MACROD2: variants seen among roughly 807,000 people sequenced by gnomAD.
MACROD2 encodes the protein mono-ADP ribosylhydrolase 2.
Under a neutral mutation model 70.4 loss-of-function variants are expected in MACROD2, and 36 were observed. That is an observed-to-expected ratio of 0.51 (90% CI 0.39 to 0.68). The LOEUF (loss-of-function observed/expected upper bound fraction) is 0.68. Ranked by LOEUF, MACROD2 falls within the 30% of genes least tolerant of loss-of-function variation. The probability of loss-of-function intolerance (pLI) is 0.00; values close to 1 mark genes in which losing one functional copy is unlikely to be tolerated. For synonymous variants in MACROD2, 172 were observed against 178.8 expected, an observed-to-expected ratio of 0.96 and a Z score of 0.30; for missense variants, 496 against 538.4, an observed-to-expected ratio of 0.92 and a Z score of 0.78.
At chr20:15,435,442 T>G (rs896046017) in intron 7 of MACROD2, among the ~76,000 whole-genome samples, 1 of 152,142 alleles carries the variant, frequency 6.6e-6, no homozygotes, top group African/African-American at 2.4e-5. Flanking sequence ...CATGTTTAAC[T>G]GTATTGTGAA....
chr20:15,989,214 C>A (rs1001688371), intron 15 of MACROD2, among the ~76,000 whole-genome samples: 1 of 152,096 alleles, frequency 6.6e-6, no homozygotes, highest in African/African-American at 2.4e-5. Flanking sequence ...GTGATTTCCC[C>A]AAGTCCATTT....
chr20:14,500,129 C>A (rs2084900203), intron 4 of MACROD2, among the ~76,000 whole-genome samples: 1 of 152,190 alleles, frequency 6.6e-6, no homozygotes, highest in Non-Finnish European at 1.5e-5. Flanking sequence ...CTACTCTTTG[C>A]TGTAGAGATC....
chr20:15,593,351 C>T (rs554725138), intron 8 of MACROD2, among the ~76,000 whole-genome samples: 7 of 152,136 alleles, frequency 4.6e-5, no homozygotes, highest in Non-Finnish European at 1.0e-4. Flanking sequence ...AGGAGAAGTA[C>T]TGATAACATG....
In MACROD2 at chr20:14,815,069, A is replaced by G. The variant is rs141726595; in HGVS notation, c.418+130110A>G. ...TCAATGTAGTAGTCAACTCCATTGC[A>G]GAACACTGGGGCCTCAAGGTGAGAG... On this transcript the variant is annotated intron_variant, in intron 5 of 17. Transcript: ENST00000684519. Among the ~76,000 whole-genome samples, 530 of 152,224 alleles carry G rather than the reference A, an allele frequency of 3.5e-3. 4 individuals carry two copies. The highest frequency in any genetic ancestry group is 0.012 in the African/African-American group (492 of 41,554).
chr20:15,380,942 C>T (rs997599319), intron 6 of MACROD2, among the ~76,000 whole-genome samples: 1 of 150,404 alleles, frequency 6.6e-6, no homozygotes, highest in African/African-American at 2.4e-5. Flanking sequence ...CACTTTTTCA[C>T]TCTTTCACTT....
intron 6 of MACROD2, among the ~76,000 whole-genome samples, chr20:15,306,999 G>A (rs552630699): frequency 6.6e-6 from 1 of 152,244 alleles, no homozygotes; most frequent in African/African-American, 2.4e-5. Flanking sequence ...CATCGTGAGA[G>A]AGGGAGGAAT....
intron 5 of MACROD2, among the ~76,000 whole-genome samples, chr20:15,132,685 A>G (rs2076115343): frequency 1.3e-5 from 2 of 152,082 alleles, no homozygotes; most frequent in African/African-American, 4.8e-5. Context: ...AAAATTATAA[A>G]AGATGAAGAA....
At chr20:14,138,673 A>C (rs2054830918) in intron 3 of MACROD2, among the ~76,000 whole-genome samples, 1 of 151,976 alleles carries the variant, frequency 6.6e-6, no homozygotes, top group African/African-American at 2.4e-5. Context: ...TTAAGTTATA[A>C]ATAAATTTTG....
chr20:14,983,810 T>C (rs1347115380), intron 5 of MACROD2, among the ~76,000 whole-genome samples: 3 of 152,196 alleles, frequency 2.0e-5, no homozygotes, highest in Admixed American at 2.0e-4. Flanking sequence ...TTTAAATAAA[T>C]AAAGGTCCTC....
chr20:15,401,216 T>G (rs1399381440), intron 6 of MACROD2, among the ~76,000 whole-genome samples: 2 of 152,080 alleles, frequency 1.3e-5, no homozygotes, highest in South Asian at 2.1e-4. Context: ...TTTTTTGTAT[T>G]TTTAGTGGAG....
At chr20:15,675,904 C>T (rs1336007017) in intron 8 of MACROD2, among the ~76,000 whole-genome samples, 1 of 152,094 alleles carries the variant, frequency 6.6e-6, no homozygotes, top group African/African-American at 2.4e-5. Flanking sequence ...TTCATTAACA[C>T]AACAGAGCCT....
rs193161817 is a variant in MACROD2, at chr20:14,080,646, A to G, written c.164-4975A>G. On this transcript the variant is annotated intron_variant, in intron 2 of 17. Transcript: ENST00000684519. ...AAAATTTATGCTTAAATGGAAAACTATAGTGTACCCTTGTGGGTTATTAAA... is the reference window on the plus strand; with the variant it reads ...AAAATTTATGCTTAAATGGAAAACTGTAGTGTACCCTTGTGGGTTATTAAA... 4.6e-3 allele frequency among the ~76,000 whole-genome samples: 697 copies of G among 151,568 alleles called. 2 individuals carry two copies. Among genetic ancestry groups the G allele is most frequent in the Non-Finnish European group, 7.7e-3 (521 of 67,856 alleles).
In MACROD2 at chr20:14,350,287, T is replaced by A. The variant is rs548390609; in HGVS notation, c.272-143192T>A. Among the ~76,000 whole-genome samples, 6 of 152,130 alleles carry A rather than the reference T, an allele frequency of 3.9e-5. No homozygotes were observed. The South Asian group carries it at 1.2e-3, about 32-fold the overall frequency. On this transcript the variant is annotated intron_variant, in intron 3 of 17. Coordinates refer to ENST00000684519, the MANE Select transcript of MACROD2 (RefSeq NM_001351661.2). Reference sequence around the variant, plus strand: ...GTCATATGAGAGCTCTATTTTTAGTTTTTTGAGGAACCTCAAAACTGTTCT... The same window carrying A: ...GTCATATGAGAGCTCTATTTTTAGTATTTTGAGGAACCTCAAAACTGTTCT...
At chr20:14,613,478 A>G (rs987410822) in intron 4 of MACROD2, among the ~76,000 whole-genome samples, 1 of 152,084 alleles carries the variant, frequency 6.6e-6, no homozygotes, top group Admixed American at 6.6e-5. Context: ...GGAAGGGTGG[A>G]TGAGAGCAGT....
chr20:15,167,118 A>G (rs1202827597), intron 5 of MACROD2, among the ~76,000 whole-genome samples: 1 of 152,066 alleles, frequency 6.6e-6, no homozygotes, highest in East Asian at 1.9e-4. Flanking sequence ...AAGAAAGTTC[A>G]ACAGAGTTTC....
chr20:14,763,548 C>A (rs890106236), intron 5 of MACROD2, among the ~76,000 whole-genome samples: 5 of 152,022 alleles, frequency 3.3e-5, no homozygotes, highest in African/African-American at 1.2e-4. Context: ...AAGGAGGTGG[C>A]AATATGACTG....
intron 8 of MACROD2, among the ~76,000 whole-genome samples, chr20:15,553,428 G>GT (rs2048124487): frequency 6.6e-6 from 1 of 152,144 alleles, no homozygotes; most frequent in Admixed American, 6.6e-5. Flanking sequence ...GTATTTGTTT[G>GT]TTTATTTGTT....
chr20:14,122,538 T>A (rs973183047), intron 3 of MACROD2, among the ~76,000 whole-genome samples: 1 of 152,184 alleles, frequency 6.6e-6, no homozygotes, highest in Non-Finnish European at 1.5e-5. Flanking sequence ...AATTATTTCA[T>A]TGAGGGAGGT....
chr20:15,275,425 G>A (rs763748193), intron 6 of MACROD2, among the ~76,000 whole-genome samples: 1 of 152,164 alleles, frequency 6.6e-6, no homozygotes, highest in Non-Finnish European at 1.5e-5. Flanking sequence ...TTTGAGAAGA[G>A]CCCTCTGGCT....
Sources: allele counts gnomAD v4.1 joint callset (sites outside exome capture counted in the v4.1 genomes callset), GRCh38; gene constraint gnomAD v4.1.1; transcripts MANE v1.5; gene names NCBI Gene and HGNC (gene_info 2026-07-23, HGNC 2026-07-21).